CDH4: variants seen among roughly 807,000 people sequenced by gnomAD.
The protein encoded by CDH4 is cadherin-4.
In CDH4, 33 loss-of-function variants were observed where a neutral mutation model predicts 86.0. The observed-to-expected ratio is 0.38, with a 90% CI of 0.29 to 0.51. CDH4 has a LOEUF of 0.51. Ranked by LOEUF, CDH4 falls within the 20% of genes least tolerant of loss-of-function variation. CDH4 has a pLI of 0.86. For synonymous variants in CDH4, 555 were observed against 549.4 expected (o/e 1.01, Z -0.14); for missense variants, 1,114 against 1,307.4 (o/e 0.85, Z 2.28).
At chr20:61,727,909 C>T (rs2088134798) in intron 2 of CDH4, among the ~76,000 whole-genome samples, 1 of 152,222 alleles carries the variant, frequency 6.6e-6, no homozygotes, top group Non-Finnish European at 1.5e-5. Flanking sequence ...GCCAAACCAA[C>T]CATGACCACA....
chr20:61,348,179 G>A (rs1360367716), intron 2 of CDH4, among the ~76,000 whole-genome samples: 1 of 152,118 alleles, frequency 6.6e-6, no homozygotes. Flanking sequence ...TAATGGACTC[G>A]CAGTTCCACA....
chr20:61,344,583 T>A (rs530668396), intron 2 of CDH4, among the ~76,000 whole-genome samples: 1 of 152,224 alleles, frequency 6.6e-6, no homozygotes, highest in Non-Finnish European at 1.5e-5. Context: ...AGTGATGAGA[T>A]AGCCAGGGGC....
At chr20:61,922,453 A>C (rs1371179430) in intron 9 of CDH4, among the ~76,000 whole-genome samples, 2 of 152,218 alleles carry the variant, frequency 1.3e-5, no homozygotes, top group Non-Finnish European at 2.9e-5. Flanking sequence ...GTGTGAATGC[A>C]GGGGCCAAGT....
At chr20:61,337,263 G>GATAATGATAATAATAATGA (rs2084622325) in intron 2 of CDH4, among the ~76,000 whole-genome samples, 2 of 150,678 alleles carry the variant, frequency 1.3e-5, no homozygotes, top group African/African-American at 2.4e-5. Flanking sequence ...GATGGTGATG[G>GATAATGATAATAATAATGA]TGATGGTGGT....
At chr20:61,560,305 T>G (rs190096397) in intron 2 of CDH4, among the ~76,000 whole-genome samples, 1 of 152,320 alleles carries the variant, frequency 6.6e-6, no homozygotes, top group East Asian at 1.9e-4. Flanking sequence ...CAGGTTTGTT[T>G]ATTGCCTGAT....
At chr20:61,665,002 C>G (rs1165678790) in intron 2 of CDH4, among the ~76,000 whole-genome samples, 2 of 152,224 alleles carry the variant, frequency 1.3e-5, no homozygotes, top group East Asian at 3.9e-4. Context: ...TTCTACCAAC[C>G]CATTCGTCTG....
chr20:61,271,052 G>A (rs1420101867), intron 2 of CDH4, among the ~76,000 whole-genome samples: 6 of 152,258 alleles, frequency 3.9e-5, no homozygotes, highest in East Asian at 1.9e-4. Flanking sequence ...TAAATATGAT[G>A]GCAGTGACAG....
intron 4 of CDH4, among the ~76,000 whole-genome samples, chr20:61,838,822 T>TA (rs11412264): frequency 0.47 from 58,470 of 123,230 alleles, 14,850 homozygotes; most frequent in Non-Finnish European, 0.6. Context: ...AGACCCTGTC[T>TA]AAAAAAAAAA....
At chr20:61,412,019 A>G (rs1892319) in intron 2 of CDH4, among the ~76,000 whole-genome samples, 100,692 of 152,100 alleles carry the variant, frequency 0.66, 35,898 homozygotes, top group East Asian at 1. Flanking sequence ...TTGAGCCAGG[A>G]TCAAGGCCGA....
At chr20:61,472,899 A>G (rs373541294) in intron 2 of CDH4, among the ~76,000 whole-genome samples, 17 of 152,332 alleles carry the variant, frequency 1.1e-4, no homozygotes, top group African/African-American at 3.9e-4. Context: ...ACCCTCCACA[A>G]AATTAGATTA....
At chr20:61,318,812 G>A (rs970250654) in intron 2 of CDH4, among the ~76,000 whole-genome samples, 1 of 152,228 alleles carries the variant, frequency 6.6e-6, no homozygotes, top group East Asian at 1.9e-4. Context: ...GTGGTGACTT[G>A]CCCCTTTTCC....
At chr20:61,849,787 G>C (rs923093853) in intron 5 of CDH4, among the ~76,000 whole-genome samples, 4 of 152,228 alleles carry the variant, frequency 2.6e-5, no homozygotes, top group Non-Finnish European at 4.4e-5. Flanking sequence ...TCCAGCTGGA[G>C]AACGTTCAGC....
intron 2 of CDH4, among the ~76,000 whole-genome samples, chr20:61,282,547 A>ATGTGTG (rs71185912): frequency 0.13 from 17,128 of 130,140 alleles, 1,175 homozygotes; most frequent in Middle Eastern, 0.24. Flanking sequence ...GTGTGTGTGC[A>ATGTGTG]TGTGTGTGTG....
chr20:61,742,210 C>T (rs2088349120), intron 2 of CDH4, among the ~76,000 whole-genome samples: 1 of 152,038 alleles, frequency 6.6e-6, no homozygotes, highest in Non-Finnish European at 1.5e-5. Flanking sequence ...TGGGTTGATC[C>T]TGTCCATCAG....
chr20:61,344,843 C>T (rs2084668648), intron 2 of CDH4, among the ~76,000 whole-genome samples: 1 of 152,128 alleles, frequency 6.6e-6, no homozygotes, highest in Non-Finnish European at 1.5e-5. Flanking sequence ...TCATATGAAG[C>T]CACCAAGCAA....
intron 2 of CDH4, among the ~76,000 whole-genome samples, chr20:61,694,909 C>T (rs1177831941): frequency 6.6e-6 from 1 of 152,220 alleles, no homozygotes; most frequent in Non-Finnish European, 1.5e-5. Context: ...AGATCCCGTG[C>T]GCCGCCGGAG....
chr20:61,502,619 G>A (rs2085711935), intron 2 of CDH4, among the ~76,000 whole-genome samples: 1 of 152,154 alleles, frequency 6.6e-6, no homozygotes, highest in East Asian at 1.9e-4. Flanking sequence ...CCCTGATACT[G>A]CACAATTTGT....
intron 8 of CDH4, among the ~76,000 whole-genome samples, chr20:61,907,572 T>C (rs1028738946): frequency 1.3e-5 from 2 of 152,200 alleles, no homozygotes; most frequent in Non-Finnish European, 2.9e-5. Flanking sequence ...CAGGGCCCAG[T>C]GTGTCCCACG....
intron 2 of CDH4, among the ~76,000 whole-genome samples, chr20:61,668,598 G>T (rs116273282): frequency 5.3e-5 from 8 of 152,284 alleles, no homozygotes; most frequent in South Asian, 4.1e-4. Context: ...AACTCCTCCT[G>T]TGTACATTCC....
Sources: allele counts gnomAD v4.1 joint callset (sites outside exome capture counted in the v4.1 genomes callset), GRCh38; gene constraint gnomAD v4.1.1; transcripts MANE v1.5; gene names NCBI Gene and HGNC (gene_info 2026-07-23, HGNC 2026-07-21).